DMD: variants seen among roughly 807,000 people sequenced by gnomAD.
DMD encodes the protein mutant dystrophin.
DMD carries 63 observed loss-of-function variants against 330.1 expected under a neutral mutation model. The ratio of observed to expected loss-of-function variants is 0.19; its 90% CI spans 0.16 to 0.24. The LOEUF (loss-of-function observed/expected upper bound fraction) is 0.24. DMD is among the 10% of genes least tolerant of loss of function. The pLI is 1.00. For missense variants in DMD, 3,344 were observed against 2,684.1 expected (o/e 1.25, Z -5.43); for synonymous variants, 1,223 against 959.8 (o/e 1.27, Z -5.07).
intron 1 of DMD, among the ~76,000 whole-genome samples, chrX:33,147,789 T>C (rs1183484444): frequency 1.8e-5 from 2 of 111,682 alleles, no homozygotes; most frequent in Non-Finnish European, 3.8e-5. Flanking sequence ...TTAATAATTT[T>C]AATAGAAACA....
chrX:31,591,901 G>C (rs1283497260), intron 55 of DMD, among the ~76,000 whole-genome samples: 1 of 111,042 alleles, frequency 9.0e-6, no homozygotes, highest in East Asian at 2.8e-4. Context: ...TATTAAAGTA[G>C]TTCCTCCTAA....
intron 17 of DMD, among the ~76,000 whole-genome samples, chrX:32,521,548 A>T (rs2046423982): frequency 1.8e-5 from 2 of 112,122 alleles, no homozygotes; most frequent in African/African-American, 6.5e-5. Flanking sequence ...TTGAATTGCA[A>T]TCTATTTATC....
chrX:31,297,725 G>C (rs2054295767), intron 62 of DMD, among the ~76,000 whole-genome samples: 1 of 112,176 alleles, frequency 8.9e-6, no homozygotes, highest in Non-Finnish European at 1.9e-5. Context: ...AGTGATGGCA[G>C]ACAGAAAACC....
intron 61 of DMD, among the ~76,000 whole-genome samples, chrX:31,327,441 T>C (rs2148330952): frequency 8.9e-6 from 1 of 112,188 alleles, no homozygotes; most frequent in African/African-American, 3.2e-5. Context: ...ATGAACAGAA[T>C]GTTCCAAGTG....
At chrX:32,667,767 GTTTTT>G (rs201162726) in intron 9 of DMD, among the ~76,000 whole-genome samples, 1 of 81,703 alleles carries the variant, frequency 1.2e-5, no homozygotes, top group Non-Finnish European at 2.3e-5. Flanking sequence ...CTGCTTTTGT[GTTTTT>G]TTTTTTTTTT....
chrX:31,717,738 T>G (rs1161053197), intron 52 of DMD, among the ~76,000 whole-genome samples: 1 of 112,661 alleles, frequency 8.9e-6, no homozygotes, highest in African/African-American at 3.2e-5. Flanking sequence ...ACTTTTCTGT[T>G]TAATTACAGA....
At chrX:31,270,185 C>T (rs5972359) in intron 62 of DMD, among the ~76,000 whole-genome samples, 2,626 of 76,349 alleles carry the variant, frequency 0.034, 33 homozygotes, top group East Asian at 0.16. Context: ...TTTACCATTC[C>T]TTGTTTTTTT....
intron 66 of DMD, 97 bp downstream of exon 66, chrX:31,206,485 C>CTTACA (rs1461607981): frequency 2.3e-5 from 18 of 770,064 alleles, no homozygotes; most frequent in Non-Finnish European, 3.3e-5. Flanking sequence ...CATGAGGAAT[C>CTTACA]TGCTGTCAAA....
At chrX:32,485,551 GTA>G (rs772466408) in intron 20 of DMD, among the ~76,000 whole-genome samples, 1 of 108,623 alleles carries the variant, frequency 9.2e-6, no homozygotes, top group Non-Finnish European at 1.9e-5. Context: ...CTACATATAT[GTA>G]TATGTGTATA....
intron 50 of DMD, among the ~76,000 whole-genome samples, chrX:31,782,046 T>C (rs894213576): frequency 9.9e-5 from 11 of 111,426 alleles, no homozygotes; most frequent in Non-Finnish European, 2.1e-4. Context: ...CTTTCCAACA[T>C]GATATTGGGC....
intron 29 of DMD, among the ~76,000 whole-genome samples, chrX:32,416,430 C>T (rs1233011152): frequency 8.9e-6 from 1 of 111,744 alleles, no homozygotes; most frequent in African/African-American, 3.3e-5. Context: ...ACATGTAAAA[C>T]ATTTCAATTT....
intron 12 of DMD, among the ~76,000 whole-genome samples, chrX:32,607,604 T>C (rs989559089): frequency 2.7e-5 from 3 of 110,085 alleles, no homozygotes; most frequent in Non-Finnish European, 5.8e-5. Flanking sequence ...CTCCATATTC[T>C]TCAGAAAAAG....
chrX:31,814,482 CAAAAAAAAAAAAAAA>C (rs151208391), intron 50 of DMD, among the ~76,000 whole-genome samples: 6 of 28,991 alleles, frequency 2.1e-4, no homozygotes, highest in South Asian at 5.6e-3. Flanking sequence ...GACTCCGTCT[CAAAAAAAAAAAAAAA>C]AAAAAAAAAA....
chrX:32,830,990 C>T (rs1008544517), intron 4 of DMD, among the ~76,000 whole-genome samples: 8 of 111,059 alleles, frequency 7.2e-5, no homozygotes, highest in Admixed American at 9.6e-5. Context: ...ATTTTAAAGG[C>T]ATAGGACAAG....
chrX:32,567,101 C>A (rs1255846545), intron 15 of DMD, among the ~76,000 whole-genome samples: 8 of 111,647 alleles, frequency 7.2e-5, no homozygotes, highest in Non-Finnish European at 1.5e-4. Context: ...CCCATTTTGG[C>A]ATGGCACCTG....
At chrX:32,699,530 T>G (rs939523642) in intron 7 of DMD, among the ~76,000 whole-genome samples, 2 of 111,843 alleles carry the variant, frequency 1.8e-5, no homozygotes, top group African/African-American at 6.5e-5. Context: ...ATATAAAAAC[T>G]TCATTCCATA....
At chrX:31,172,298 A>G (rs781599337) in intron 73 of DMD, 50 bp downstream of exon 73, 28 of 927,651 alleles carry the variant, frequency 3.0e-5, no homozygotes, top group Non-Finnish European at 4.2e-5. Flanking sequence ...AAATCCCTCA[A>G]AGCAATTTCA....
rs192997229 is a variant in DMD at position 32,100,861 on chromosome X, C to T, written c.6438+116055G>A. 6.3e-5 allele frequency among the ~76,000 whole-genome samples: 7 copies of T among 111,832 alleles called. No individual in the cohort carries two copies. In the South Asian group the frequency reaches 1.1e-3, roughly 18 times the overall value. ...ATGCTTCTTTTGCTTAGAACAATAA[C>T]GCAGCAGCAAGTACATCGATTGCTT... is the stretch of plus-strand genomic sequence containing the variant. On this transcript the variant is annotated intron_variant, in intron 44 of 78. Transcript: ENST00000357033.
chrX:32,588,102 G>A (rs139964669), intron 13 of DMD, among the ~76,000 whole-genome samples: 61 of 112,035 alleles, frequency 5.4e-4, no homozygotes, highest in African/African-American at 1.8e-3. Context: ...ATATCCAACC[G>A]TCTGTTCATA....
Sources: allele counts gnomAD v4.1 joint callset (sites outside exome capture counted in the v4.1 genomes callset), GRCh38; gene constraint gnomAD v4.1.1; transcripts MANE v1.5; gene names NCBI Gene and HGNC (gene_info 2026-07-23, HGNC 2026-07-21).